Variants in ADGRV1 observed in about 807,000 individuals in gnomAD.
ADGRV1 encodes G-protein coupled receptor 98.
Under a neutral mutation model 596.2 loss-of-function variants are expected in ADGRV1, and 359 were observed. The observed-to-expected ratio is 0.60, with a 90% CI of 0.55 to 0.66. ADGRV1 has a LOEUF of 0.66. Among genes scored for constraint, ADGRV1 ranks in the 30% least tolerant of loss-of-function variants. The pLI is 0.00. For missense variants in ADGRV1, 7,274 were observed against 7,575.6 expected (o/e 0.96, Z 1.48); for synonymous variants, 2,681 against 2,679.2 (o/e 1.00, Z -0.02).
chr5:90,967,151 C>A (rs1778546450), intron 84 of ADGRV1, among the ~76,000 whole-genome samples: 1 of 152,130 alleles, frequency 6.6e-6, no homozygotes, highest in Admixed American at 6.5e-5. Flanking sequence ...AACTATTTAG[C>A]TAATAGAACT....
At chr5:90,667,768 T>G (rs1201678336) in intron 21 of ADGRV1, among the ~76,000 whole-genome samples, 1 of 152,220 alleles carries the variant, frequency 6.6e-6, no homozygotes, top group Non-Finnish European at 1.5e-5. Flanking sequence ...TTGATGATGG[T>G]GATGTACAGA....
At chr5:90,672,764 A>G in intron 22 of ADGRV1, 42 bp downstream of exon 22, 3 of 1,440,718 alleles carry the variant, frequency 2.1e-6, no homozygotes, top group Non-Finnish European at 2.8e-6. Context: ...CCTCCTGGAA[A>G]GCTTTTCCTG....
chr5:90,965,661 T>TA lies in ADGRV1; in HGVS notation c.17973+133dup. On this transcript the variant is annotated intron_variant, in intron 84 of 89. Coordinates refer to ENST00000405460, the MANE Select transcript of ADGRV1 (RefSeq NM_032119.4). The stretch of plus-strand genomic sequence containing the variant: ...TATCCATCACTGCATTCTCAGGATA[T>TA]AAATGACAAATAAAAACACCCTATA... 3 of 532,322 alleles carry TA rather than the reference T, an allele frequency of 5.6e-6. No homozygotes were observed. The East Asian group carries it at 8.8e-5, about 16-fold the overall frequency. 33.0% of individuals were successfully genotyped at this position (532,322 alleles called of 1,614,324 possible). A position where few individuals can be genotyped will look rare whatever the true frequency, so the allele number is the denominator to read the frequency against.
At chr5:90,669,253 T>A (rs1772075421) in intron 21 of ADGRV1, among the ~76,000 whole-genome samples, 1 of 152,200 alleles carries the variant, frequency 6.6e-6, no homozygotes, top group East Asian at 1.9e-4. Context: ...AAATTAAATC[T>A]GATGTTGTAT....
chr5:90,647,470 A>G (rs367990295), intron 16 of ADGRV1, 28 bp from the exon 17 acceptor site: 17 of 1,584,344 alleles, frequency 1.1e-5, no homozygotes, highest in Admixed American at 9.0e-5. Flanking sequence ...AGAAAAGCTC[A>G]TGTGTTCTTT....
rs760542937 is a variant in ADGRV1 at position 90,725,120 on chromosome 5, C to A, written c.9941C>A (p.Ala3314Asp). Reference protein sequence around the residue: ...LNIENPKTCEAFNIGFSPYFV... With the variant: ...LNIENPKTCEDFNIGFSPYFV... Reference sequence around the variant, plus strand: ...ATAGAAAATCCTAAAACTTGTGAGGCCTTTAATATTGGTTTTTCTCCCTAC... The same window carrying A: ...ATAGAAAATCCTAAAACTTGTGAGGACTTTAATATTGGTTTTTCTCCCTAC... Residue 3314 changes from alanine (A) to aspartate (D), a missense_variant, in exon 47 of 90, where the codon GCC becomes GAC. This residue lies in a region of ADGRV1 where 3,643 missense variants were observed against 3,809.2 expected (regional missense o/e 0.96). Transcript: ENST00000405460. The A allele has an allele frequency of 6.5e-6, 10 of 1,536,438 alleles. No homozygotes were observed. The South Asian group carries it at 1.2e-4, about 19-fold the overall frequency.
intron 21 of ADGRV1, among the ~76,000 whole-genome samples, chr5:90,671,754 A>G (rs1223379803): frequency 6.6e-6 from 1 of 152,178 alleles, no homozygotes; most frequent in Non-Finnish European, 1.5e-5. Flanking sequence ...ATATTTGCTA[A>G]CATAAAAATA....
chr5:90,596,281 G>A (rs1003636324), intron 1 of ADGRV1, among the ~76,000 whole-genome samples: 9 of 151,642 alleles, frequency 5.9e-5, no homozygotes, highest in African/African-American at 2.2e-4. Context: ...TGGCCGCCGG[G>A]CAGAGACGCT....
chr5:90,932,402 A>G (rs1018191657), intron 83 of ADGRV1, among the ~76,000 whole-genome samples: 4 of 152,112 alleles, frequency 2.6e-5, no homozygotes, highest in Non-Finnish European at 4.4e-5. Context: ...TTACTAAGCT[A>G]AGTTTTGTAC....
chr5:91,051,447 T>A (rs191462616), intron 85 of ADGRV1, among the ~76,000 whole-genome samples: 1 of 152,176 alleles, frequency 6.6e-6, no homozygotes, highest in Admixed American at 6.5e-5. Context: ...AACTGTAGGC[T>A]AACGTAAGTT....
intron 83 of ADGRV1, among the ~76,000 whole-genome samples, chr5:90,889,981 G>A (rs1469616096): frequency 6.6e-6 from 1 of 152,074 alleles, no homozygotes; most frequent in South Asian, 2.1e-4. Context: ...CATTCCAGCT[G>A]CTCACTCCTA....
intron 87 of ADGRV1, among the ~76,000 whole-genome samples, chr5:91,126,182 G>C (rs1793738222): frequency 6.6e-6 from 1 of 152,192 alleles, no homozygotes; most frequent in African/African-American, 2.4e-5. Context: ...CTGGCACAGA[G>C]TTCCCAGTAA....
Position 90,617,877 on chromosome 5 carries a change from G to GCA in ADGRV1, c.281_282insCA (p.Arg94SerfsTer6). ...TTTATACCTGCCGGAGAAACAAACA[G>GCA]AACAGTGTACATAGCAGTATGTGAT... is the stretch of plus-strand genomic sequence containing the variant. On this transcript the variant is annotated frameshift_variant, in exon 3 of 90. Transcript: ENST00000405460. LOFTEE classifies it high-confidence loss of function. The GCA allele has an allele frequency of 6.3e-7, 1 of 1,598,934 alleles. No homozygotes were observed. Among genetic ancestry groups the GCA allele is most frequent in the Non-Finnish European group, 8.5e-7 (1 of 1,171,710 alleles).
chr5:90,701,241 C>CT (rs2149676117), intron 34 of ADGRV1, among the ~76,000 whole-genome samples: 1 of 152,206 alleles, frequency 6.6e-6, no homozygotes, highest in Admixed American at 6.5e-5. Context: ...ATAACATACT[C>CT]TCTCTTAAGA....
At chr5:90,899,772 G>A (rs574967729) in intron 83 of ADGRV1, among the ~76,000 whole-genome samples, 1 of 151,958 alleles carries the variant, frequency 6.6e-6, no homozygotes, top group East Asian at 1.9e-4. Context: ...AGACTCTCAT[G>A]CTCCATTCCT....
chr5:90,834,887 T>C (rs1277630061), intron 77 of ADGRV1, among the ~76,000 whole-genome samples: 1 of 151,688 alleles, frequency 6.6e-6, no homozygotes, highest in Non-Finnish European at 1.5e-5. Flanking sequence ...TTCTTTCTTT[T>C]TTCTTTCTTT....
At chr5:90,873,620 C>T (rs1309174411) in intron 83 of ADGRV1, among the ~76,000 whole-genome samples, 1 of 151,896 alleles carries the variant, frequency 6.6e-6, no homozygotes, top group African/African-American at 2.4e-5. Flanking sequence ...GATTTCTTTA[C>T]AAAAAATGCT....
chr5:91,055,768 T>TGGG (rs1250279883), intron 85 of ADGRV1, among the ~76,000 whole-genome samples: 3 of 152,234 alleles, frequency 2.0e-5, no homozygotes, highest in Non-Finnish European at 4.4e-5. Context: ...TTAGTCTCTG[T>TGGG]TCTATGTGAC....
intron 48 of ADGRV1, among the ~76,000 whole-genome samples, chr5:90,727,102 G>T (rs1055294962): frequency 1.3e-5 from 2 of 151,914 alleles, no homozygotes; most frequent in South Asian, 2.1e-4. Context: ...TTTTATTAGT[G>T]GGGGGGATGG....
Sources: allele counts gnomAD v4.1 joint callset (sites outside exome capture counted in the v4.1 genomes callset), GRCh38; gene constraint gnomAD v4.1.1; regional missense constraint gnomAD v4.1.1; transcripts MANE v1.5; gene names NCBI Gene and HGNC (gene_info 2026-07-23, HGNC 2026-07-21).